Variants in CACNA1D observed in about 807,000 individuals in gnomAD.
CACNA1D encodes the protein calcium voltage-gated channel subunit alpha1 D, also known as voltage-dependent L-type calcium channel subunit alpha-1D.
In CACNA1D, 55 loss-of-function variants were observed where a neutral mutation model predicts 257.1. The observed-to-expected ratio is 0.21, with a 90% CI of 0.17 to 0.27. The LOEUF is 0.27. CACNA1D is among the 10% of genes least tolerant of loss of function. The pLI is 1.00. For synonymous variants in CACNA1D, 980 were observed against 1,014.9 expected (o/e 0.97, Z 0.65); for missense variants, 1,876 against 2,784.0 (o/e 0.67, Z 7.34).
intron 39 of CACNA1D, chr3:53,782,601 G>A (rs2095432137): frequency 6.6e-6 from 1 of 152,228 alleles, no homozygotes; most frequent in Non-Finnish European, 1.5e-5. Context: ...GATGAGCTCT[G>A]GCTCTTGGGG....
intron 3 of CACNA1D, among the ~76,000 whole-genome samples, chr3:53,599,655 G>A (rs2093416802): frequency 6.6e-6 from 1 of 152,154 alleles, no homozygotes; most frequent in South Asian, 2.1e-4. Context: ...AACTCACTGT[G>A]AGCATTAATT....
chr3:53,774,560 C>A lies in CACNA1D; in HGVS notation c.4111-27C>A. ...TTTTTTGCATGACGAAATCTATTCT[C>A]TTTTTCCTGACAACTTCTCCACCTA... On this transcript the variant is annotated intron_variant, in intron 33 of 47. Transcript: ENST00000350061. This position sits in a 1 kb window ranked among gnomAD's most constrained non-coding sequence, Gnocchi z 4.3. The A allele has an allele frequency of 1.5e-6, 2 of 1,374,732 alleles. No individual in the cohort carries two copies. The highest frequency in any genetic ancestry group is 1.4e-5 in the African/African-American group (1 of 70,268). 85.2% of individuals were successfully genotyped at this position (1,374,732 alleles called of 1,614,324 possible).
intron 3 of CACNA1D, among the ~76,000 whole-genome samples, chr3:53,578,285 C>G (rs2093072269): frequency 6.6e-6 from 1 of 152,022 alleles, no homozygotes; most frequent in Non-Finnish European, 1.5e-5. Flanking sequence ...GTATCTGAGC[C>G]AGGCCTGAGG....
intron 3 of CACNA1D, among the ~76,000 whole-genome samples, chr3:53,633,230 C>T (rs559286686): frequency 7.9e-5 from 12 of 152,294 alleles, no homozygotes; most frequent in South Asian, 2.1e-4. Context: ...TGGTGGCTCA[C>T]GCCTGTGATC....
intron 17 of CACNA1D, among the ~76,000 whole-genome samples, chr3:53,731,747 T>C (rs551976517): frequency 6.6e-6 from 1 of 152,342 alleles, no homozygotes; most frequent in Non-Finnish European, 1.5e-5. Flanking sequence ...TATGAGTGAA[T>C]GTGCTGGCAC....
In CACNA1D at chr3:53,774,805, TTTTG is replaced by T. The variant is rs1559664843; in HGVS notation, c.4202+134_4202+137del. 7.5e-6 allele frequency: 5 copies of T among 663,968 alleles called. No individual in the cohort carries two copies. The highest frequency in any genetic ancestry group is 2.5e-5 in the East Asian group (1 of 39,720). The allele number at this position is 663,968 out of a possible 1,614,324, so 41.1% of individuals were successfully genotyped here. A position where few individuals can be genotyped will look rare whatever the true frequency, so the allele number is the denominator to read the frequency against. On this transcript the variant is annotated intron_variant, in intron 34 of 47. Coordinates refer to ENST00000350061, the MANE Select transcript of CACNA1D (RefSeq NM_001128840.3). The surrounding 1 kb of genome is among the most constrained non-coding windows in gnomAD (Gnocchi z 4.3). ...TCAGTTGATTGTGATGGCTTTTTGT[TTTTG>T]TTTGTTCTGTATTCTTAAACACAGA...
intron 2 of CACNA1D, among the ~76,000 whole-genome samples, chr3:53,499,332 T>A (rs960323911): frequency 9.2e-5 from 14 of 152,136 alleles, no homozygotes; most frequent in Admixed American, 2.6e-4. Flanking sequence ...TCTCTTTTTT[T>A]AATGACAGTT....
chr3:53,529,234 G>T (rs926059383), intron 3 of CACNA1D, among the ~76,000 whole-genome samples: 1 of 152,092 alleles, frequency 6.6e-6, no homozygotes, highest in African/African-American at 2.4e-5. Flanking sequence ...GTTGAATTTT[G>T]TCAAATGTCT....
intron 3 of CACNA1D, among the ~76,000 whole-genome samples, chr3:53,616,627 C>T (rs2093640209): frequency 6.6e-6 from 1 of 152,156 alleles, no homozygotes; most frequent in South Asian, 2.1e-4. Context: ...TGCACTATGC[C>T]TTCCCTGTTT....
At chr3:53,755,476 T>C (rs1459929007) in intron 29 of CACNA1D, among the ~76,000 whole-genome samples, 1 of 152,168 alleles carries the variant, frequency 6.6e-6, no homozygotes, top group African/African-American at 2.4e-5. Context: ...GAGAGTTCAG[T>C]AGCGCGTGAA....
chr3:53,701,929 G>T (rs76925003), intron 8 of CACNA1D, among the ~76,000 whole-genome samples: 3,261 of 152,246 alleles, frequency 0.021, 69 homozygotes, highest in East Asian at 0.11. Flanking sequence ...TTCCCCTCCT[G>T]CAGGGAAGAC....
chr3:53,612,122 A>G (rs1043149318), intron 3 of CACNA1D, among the ~76,000 whole-genome samples: 1 of 152,254 alleles, frequency 6.6e-6, no homozygotes, highest in Admixed American at 6.5e-5. Flanking sequence ...ATACTTGAAT[A>G]AAATTATGAT....
At chr3:53,595,240 C>T (rs1336814456) in intron 3 of CACNA1D, among the ~76,000 whole-genome samples, 1 of 152,216 alleles carries the variant, frequency 6.6e-6, no homozygotes, top group African/African-American at 2.4e-5. Flanking sequence ...GCTCAGCCGG[C>T]TTGTTTTCAC....
intron 3 of CACNA1D, among the ~76,000 whole-genome samples, chr3:53,547,255 GC>G (rs1357461854): frequency 2.6e-5 from 4 of 152,078 alleles, no homozygotes; most frequent in Non-Finnish European, 4.4e-5. Context: ...TTGCCTGCTT[GC>G]CCCCCATTCA....
At position 53,770,518 on chromosome 3, in the gene CACNA1D, G is replaced by A. The variant is rs1311383960; in HGVS notation, c.4010G>A (p.Arg1337Gln). Residue 1337 changes from arginine (R) to glutamine (Q), a missense_variant, in exon 32 of 48, where the codon CGG (arginine) becomes CAG (glutamine). Around this residue, in one of 10 missense-constraint regions of CACNA1D, gnomAD observed 204 missense variants for 309.4 expected, o/e 0.66. Transcript: ENST00000350061. ...CTTCTCAGCAGGGGGGAAGGCATCC[G>A]GACATTGCTGTGGACTTTTATTAAG... ...VKLLSRGEGI[R>Q]TLLWTFIKSF... 2.5e-6 allele frequency: 4 copies of A among 1,613,644 alleles called. No homozygotes were observed. The highest frequency in any genetic ancestry group is 1.7e-5 in the Admixed American group (1 of 59,994).
At chr3:53,783,600 C>T (rs1055292850) in intron 39 of CACNA1D, among the ~76,000 whole-genome samples, 2 of 152,170 alleles carry the variant, frequency 1.3e-5, no homozygotes, top group African/African-American at 4.8e-5. Context: ...GTGATGTGCC[C>T]AGTGCAGGGC....
chr3:53,496,883 A>G (rs1232760668), intron 1 of CACNA1D, among the ~76,000 whole-genome samples: 1 of 152,162 alleles, frequency 6.6e-6, no homozygotes, highest in Non-Finnish European at 1.5e-5. Flanking sequence ...CCCTTTGTGA[A>G]GACATGATGT....
Position 53,730,518 on chromosome 3 carries a change from A to G in CACNA1D, c.2298A>G (p.Lys766=), listed in dbSNP as rs1427719028. 11 of 1,614,154 alleles carry G rather than the reference A, an allele frequency of 6.8e-6. No individual in the cohort carries two copies. Among genetic ancestry groups the G allele is most frequent in the Non-Finnish European group, 9.3e-6 (11 of 1,179,932 alleles). The stretch of plus-strand genomic sequence containing the variant: ...CTGAAAGTCTGAACACTGCTCAGAA[A>G]GAAGAAGCGGAAGAAAAGGAGAGGA... ...ADAESLNTAQ[K]EEAEEKERKK... is the part of the protein sequence containing the mutation. Residue 766 remains lysine, a synonymous_variant, in exon 16 of 48, where the codon AAA becomes AAG. Transcript: ENST00000350061.
chr3:53,740,949 CTT>C (rs1336123078), intron 21 of CACNA1D, among the ~76,000 whole-genome samples: 2 of 152,126 alleles, frequency 1.3e-5, no homozygotes, highest in African/African-American at 4.8e-5. Flanking sequence ...TGCAAGATGA[CTT>C]GGGTCTATTT....
Sources: gnomAD v4.1 joint callset for allele counts (sites outside exome capture counted in the v4.1 genomes callset) on GRCh38, gnomAD v4.1.1 for gene constraint, gnomAD v4.1.1 regional missense constraint, Gnocchi (gnomAD v3.1) non-coding constraint, MANE v1.5 for transcripts, NCBI Gene and HGNC (gene_info 2026-07-23, HGNC 2026-07-21) for gene names.